The following RALY variants were observed in gnomAD, a reference collection of about 807,000 sequenced individuals.
RALY encodes the protein RNA-binding protein Raly.
RALY carries 15 observed loss-of-function variants against 30.7 expected under a neutral mutation model. The ratio of observed to expected loss-of-function variants is 0.49; its 90% CI spans 0.33 to 0.75. RALY has a LOEUF of 0.75. Among genes scored for constraint, RALY ranks in the 30% least tolerant of loss-of-function variants. The pLI, the probability that RALY is intolerant of heterozygous loss-of-function variation, is 0.02. For synonymous variants in RALY, 177 were observed against 170.8 expected (o/e 1.04, Z -0.28); for missense variants, 339 against 414.3 (o/e 0.82, Z 1.58).
intron 2 of RALY, among the ~76,000 whole-genome samples, chr20:34,053,429 G>T (rs571933096): frequency 4.7e-5 from 5 of 105,876 alleles, no homozygotes; most frequent in Non-Finnish European, 6.9e-5. Flanking sequence ...ACAAGGCCTC[G>T]CTGTGTCACC....
chr20:34,003,860 C>T lies in RALY; in HGVS notation c.-93+9729C>T, dbSNP rs527981596. Among the ~76,000 whole-genome samples, 40 of 152,080 alleles carry T rather than the reference C, an allele frequency of 2.6e-4. 1 individual carries two copies. In the South Asian group the frequency reaches 7.5e-3, roughly 28 times the overall value. ...TTCACCGTTTTAGCCGGGATGGTCT[C>T]GATCTCCTGACCTCGTGATCCGCCC... On this transcript the variant is annotated intron_variant, in intron 1 of 9. Transcript: ENST00000246194.
At chr20:34,012,657 G>A (rs944696327) in intron 1 of RALY, among the ~76,000 whole-genome samples, 7 of 152,174 alleles carry the variant, frequency 4.6e-5, no homozygotes, top group African/African-American at 1.7e-4. Context: ...AAAAAGTAGG[G>A]CATCTAAAAT....
chr20:33,994,250 C>T (rs1020906622), intron 1 of RALY, 119 bp downstream of exon 1: 5 of 152,416 alleles, frequency 3.3e-5, no homozygotes, highest in Non-Finnish European at 1.5e-5. Flanking sequence ...TATTTCTGCC[C>T]TTCGGGGAGT....
At chr20:34,029,409 G>C (rs1268669418) in intron 1 of RALY, among the ~76,000 whole-genome samples, 6 of 149,476 alleles carry the variant, frequency 4.0e-5, no homozygotes, top group African/African-American at 1.5e-4. Context: ...GGATATTCCA[G>C]CCTGGGTGAC....
chr20:34,000,451 C>T (rs769906748), intron 1 of RALY, among the ~76,000 whole-genome samples: 10 of 152,206 alleles, frequency 6.6e-5, no homozygotes, highest in Non-Finnish European at 1.3e-4. Context: ...TAAGTAGAAG[C>T]AGGTATCTGG....
chr20:34,021,343 T>C (rs1309088218), intron 1 of RALY, among the ~76,000 whole-genome samples: 1 of 152,178 alleles, frequency 6.6e-6, no homozygotes, highest in East Asian at 1.9e-4. Context: ...TAGAAGTTTG[T>C]TTGGCTCATG....
chr20:34,023,187 A>T (rs1159891808), intron 1 of RALY, among the ~76,000 whole-genome samples: 1 of 152,194 alleles, frequency 6.6e-6, no homozygotes, highest in African/African-American at 2.4e-5. Flanking sequence ...CCCCTCATTT[A>T]TCTTCACTAT....
At chr20:34,049,138 G>C (rs1194670189) in intron 2 of RALY, 2 of 153,950 alleles carry the variant, frequency 1.3e-5, no homozygotes, top group East Asian at 3.9e-4. Flanking sequence ...TTTCCCTTCA[G>C]AGCCTGGCTT....
intron 1 of RALY, among the ~76,000 whole-genome samples, chr20:33,998,721 G>A (rs1019849060): frequency 4.6e-5 from 7 of 152,164 alleles, no homozygotes; most frequent in Non-Finnish European, 1.0e-4. Context: ...GTTCAGGAGC[G>A]GACTGGAGAG....
chr20:34,002,993 C>T (rs1057043132), intron 1 of RALY, among the ~76,000 whole-genome samples: 2 of 152,074 alleles, frequency 1.3e-5, no homozygotes, highest in Non-Finnish European at 2.9e-5. Context: ...TATTGTAGTT[C>T]GTGAAGCCCA....
chr20:34,076,863 C>A (rs777574247), intron 7 of RALY, 48 bp downstream of exon 7: 1 of 1,601,046 alleles, frequency 6.2e-7, no homozygotes, highest in South Asian at 1.1e-5. Context: ...GGGCACAGGG[C>A]AGAGCATGGG....
At chr20:34,020,133 T>A (rs1467871216) in intron 1 of RALY, among the ~76,000 whole-genome samples, 1 of 152,102 alleles carries the variant, frequency 6.6e-6, no homozygotes, top group African/African-American at 2.4e-5. Context: ...TGAAACACAG[T>A]TCCTGTTTTT....
At chr20:34,074,611 G>T (rs2033823434) in intron 5 of RALY, among the ~76,000 whole-genome samples, 1 of 147,192 alleles carries the variant, frequency 6.8e-6, no homozygotes, top group Non-Finnish European at 1.5e-5. Flanking sequence ...AAGTGTCTTA[G>T]CCTGGGGGTC....
chr20:34,028,806 A>T (rs1478934845), intron 1 of RALY, among the ~76,000 whole-genome samples: 2 of 151,380 alleles, frequency 1.3e-5, no homozygotes, highest in African/African-American at 2.4e-5. Flanking sequence ...AAAATTAAGA[A>T]GGGTTTGAAT....
At chr20:33,996,246 GGATTT>G (rs2030624419) in intron 1 of RALY, among the ~76,000 whole-genome samples, 1 of 152,168 alleles carries the variant, frequency 6.6e-6, no homozygotes, top group Admixed American at 6.5e-5. Context: ...CTGGAGCAGA[GGATTT>G]GATTTGACAT....
At chr20:34,014,731 G>C (rs1414516682) in intron 1 of RALY, among the ~76,000 whole-genome samples, 1 of 151,868 alleles carries the variant, frequency 6.6e-6, no homozygotes, top group Non-Finnish European at 1.5e-5. Flanking sequence ...CTTTGAGAAG[G>C]GTTTCTTAGA....
rs534485075 is a variant in RALY at position 34,072,048 on chromosome 20, G to A, written c.-9-18G>A. Reference sequence around the variant, plus strand: ...CCCAGCCCAGGGACCCAGCTTCACCGAGGCTCTTTTTCTTCAGGTGGGCAC... The same window carrying A: ...CCCAGCCCAGGGACCCAGCTTCACCAAGGCTCTTTTTCTTCAGGTGGGCAC... On this transcript the variant is annotated intron_variant, in intron 2 of 9. Coordinates refer to ENST00000246194, the MANE Select transcript of RALY (RefSeq NM_016732.3). The A allele has an allele frequency of 1.1e-5, 17 of 1,609,390 alleles. No homozygotes were observed. The highest frequency in any genetic ancestry group is 6.7e-5 in the Admixed American group (4 of 59,452).
At chr20:34,046,229 G>A (rs1300235009) in intron 2 of RALY, among the ~76,000 whole-genome samples, 2 of 152,196 alleles carry the variant, frequency 1.3e-5, no homozygotes, top group Non-Finnish European at 2.9e-5. Flanking sequence ...TGTCTTTGAA[G>A]CCCAGCCCCA....
intron 1 of RALY, among the ~76,000 whole-genome samples, chr20:34,003,506 C>T (rs1357391830): frequency 1.3e-5 from 2 of 151,948 alleles, no homozygotes; most frequent in African/African-American, 4.8e-5. Context: ...AGCATCTGGA[C>T]AGGGGCAATG....
Sources: gnomAD v4.1 joint callset for allele counts (sites outside exome capture counted in the v4.1 genomes callset) on GRCh38, gnomAD v4.1.1 for gene constraint, MANE v1.5 for transcripts, NCBI Gene and HGNC (gene_info 2026-07-23, HGNC 2026-07-21) for gene names.